Variants in IL1RAPL1 observed in about 807,000 individuals in gnomAD.
The protein encoded by IL1RAPL1 is interleukin 1 receptor accessory protein like 1, also known as interleukin-1 receptor accessory protein-like 1.
In IL1RAPL1, 3 loss-of-function variants were observed where a neutral mutation model predicts 48.4. The ratio of observed to expected loss-of-function variants is 0.06; its 90% CI spans 0.03 to 0.16. The LOEUF (loss-of-function observed/expected upper bound fraction) is 0.16. Among genes scored for constraint, IL1RAPL1 ranks in the 10% least tolerant of loss-of-function variants. IL1RAPL1 has a pLI of 1.00. For missense variants in IL1RAPL1, 349 were observed against 530.6 expected (o/e 0.66, Z 3.36); for synonymous variants, 185 against 187.7 (o/e 0.99, Z 0.12).
At chrX:29,506,737 AC>A (rs1372143029) in intron 5 of IL1RAPL1, among the ~76,000 whole-genome samples, 1 of 107,221 alleles carries the variant, frequency 9.3e-6, no homozygotes, top group Non-Finnish European at 1.9e-5. Flanking sequence ...TTGCTGAGTT[AC>A]AGAGTAGTTT....
At chrX:29,214,978 G>T (rs111836258) in intron 2 of IL1RAPL1, among the ~76,000 whole-genome samples, 5 of 111,492 alleles carry the variant, frequency 4.5e-5, no homozygotes, top group African/African-American at 1.6e-4. Flanking sequence ...GCAACAAACT[G>T]CCATTTAAAC....
At chrX:29,734,233 T>G (rs1400393839) in intron 6 of IL1RAPL1, among the ~76,000 whole-genome samples, 1 of 112,707 alleles carries the variant, frequency 8.9e-6, no homozygotes, top group Non-Finnish European at 1.9e-5. Context: ...TCATACAGTG[T>G]TTTTCAAGTT....
At chrX:29,788,005 C>T (rs1480959271) in intron 6 of IL1RAPL1, among the ~76,000 whole-genome samples, 1 of 111,899 alleles carries the variant, frequency 8.9e-6, no homozygotes, top group African/African-American at 3.2e-5. Context: ...TTAATGCTTG[C>T]CCAGTATTTG....
chrX:29,196,127 A>G (rs1265054007), intron 2 of IL1RAPL1, among the ~76,000 whole-genome samples: 1 of 112,151 alleles, frequency 8.9e-6, no homozygotes, highest in Non-Finnish European at 1.9e-5. Flanking sequence ...TTAAATTTCC[A>G]TCCACTAATT....
chrX:29,182,476 A>G (rs944338525), intron 2 of IL1RAPL1, among the ~76,000 whole-genome samples: 2 of 112,181 alleles, frequency 1.8e-5, no homozygotes, highest in Non-Finnish European at 3.8e-5. Context: ...TTTGGATTGC[A>G]CATAGTTGAA....
intron 2 of IL1RAPL1, among the ~76,000 whole-genome samples, chrX:28,895,642 T>C (rs895693068): frequency 2.7e-5 from 3 of 110,709 alleles, no homozygotes; most frequent in Non-Finnish European, 5.7e-5. Context: ...GCACCAGAGT[T>C]GGGGAGTTTT....
rs184565433 is a variant in IL1RAPL1 at position 29,743,667 on chromosome X, T to C, written c.778+75163T>C. Among the ~76,000 whole-genome samples the C allele has an allele frequency of 2.7e-5, 3 of 111,109 alleles. No homozygotes were observed. In the South Asian group the frequency reaches 1.1e-3, roughly 42 times the overall value. On this transcript the variant is annotated intron_variant, in intron 6 of 10. Transcript: ENST00000378993. The stretch of plus-strand genomic sequence containing the variant: ...GCCCAGCTAACTTTTGTATTTTTAG[T>C]ACAGACGGGGTTTCACCATGTTGGC...
At chrX:29,147,928 A>C (rs190647014) in intron 2 of IL1RAPL1, among the ~76,000 whole-genome samples, 30 of 112,013 alleles carry the variant, frequency 2.7e-4, no homozygotes, top group African/African-American at 9.1e-4. Flanking sequence ...AGTTAGATTA[A>C]AAATGTAAGA....
intron 2 of IL1RAPL1, among the ~76,000 whole-genome samples, chrX:29,268,359 G>C (rs760260313): frequency 9.8e-5 from 11 of 112,071 alleles, no homozygotes; most frequent in Non-Finnish European, 1.9e-4. Flanking sequence ...TGGAAATAAA[G>C]AAAGAGAATG....
intron 2 of IL1RAPL1, among the ~76,000 whole-genome samples, chrX:28,852,103 T>C (rs1447225257): frequency 8.9e-6 from 1 of 111,763 alleles, no homozygotes; most frequent in Non-Finnish European, 1.9e-5. Context: ...ACAGCTACCT[T>C]ACAGCAGAGA....
intron 2 of IL1RAPL1, among the ~76,000 whole-genome samples, chrX:28,941,536 CT>C (rs1924162940): frequency 9.0e-6 from 1 of 111,262 alleles, no homozygotes; most frequent in African/African-American, 3.2e-5. Context: ...GCAAGCATGC[CT>C]GTGCTTCATC....
chrX:28,937,136 C>T (rs1378470030), intron 2 of IL1RAPL1, among the ~76,000 whole-genome samples: 1 of 110,997 alleles, frequency 9.0e-6, no homozygotes, highest in Non-Finnish European at 1.9e-5. Flanking sequence ...AAGATATTAA[C>T]GTTTATATCT....
intron 2 of IL1RAPL1, among the ~76,000 whole-genome samples, chrX:28,922,705 AAAG>A (rs1243762511): frequency 8.9e-6 from 1 of 112,085 alleles, no homozygotes; most frequent in Non-Finnish European, 1.9e-5. Flanking sequence ...CTGGAAACAC[AAAG>A]AAGACAAATA....
At chrX:28,894,085 A>G (rs2147321561) in intron 2 of IL1RAPL1, among the ~76,000 whole-genome samples, 1 of 111,787 alleles carries the variant, frequency 8.9e-6, no homozygotes, top group African/African-American at 3.3e-5. Context: ...GGCTTTGAGA[A>G]GCGTTTTTTT....
chrX:29,913,377 G>A (rs1569201530), intron 6 of IL1RAPL1, among the ~76,000 whole-genome samples: 1 of 78,218 alleles, frequency 1.3e-5, no homozygotes, highest in Non-Finnish European at 2.7e-5. Context: ...CTTTCTCTGT[G>A]TGGGTGACAC....
At chrX:29,167,915 A>T (rs1292205633) in intron 2 of IL1RAPL1, among the ~76,000 whole-genome samples, 1 of 111,065 alleles carries the variant, frequency 9.0e-6, no homozygotes, top group African/African-American at 3.3e-5. Context: ...TGAAATATGC[A>T]GGAAGGATTG....
chrX:28,737,165 CCTTCCTTCCTTCCTT>C (rs1569161817), intron 1 of IL1RAPL1, among the ~76,000 whole-genome samples: 10 of 68,260 alleles, frequency 1.5e-4, no homozygotes, highest in African/African-American at 2.0e-4. Context: ...TTCCTTCCTT[CCTTCCTTCCTTCCTT>C]TCTTTCCTTT....
chrX:29,770,428 C>G (rs1457065237), intron 6 of IL1RAPL1, among the ~76,000 whole-genome samples: 1 of 109,565 alleles, frequency 9.1e-6, no homozygotes, highest in Non-Finnish European at 1.9e-5. Flanking sequence ...CTGAGAAAAC[C>G]TGACATGAGA....
intron 2 of IL1RAPL1, among the ~76,000 whole-genome samples, chrX:29,110,737 G>A (rs1379412568): frequency 9.0e-6 from 1 of 111,664 alleles, no homozygotes; most frequent in African/African-American, 3.3e-5. Context: ...ACATTATTGT[G>A]TAGTTTCTGT....
Sources: gnomAD v4.1 joint callset for allele counts (sites outside exome capture counted in the v4.1 genomes callset) on GRCh38, gnomAD v4.1.1 for gene constraint, MANE v1.5 for transcripts, NCBI Gene and HGNC (gene_info 2026-07-23, HGNC 2026-07-21) for gene names.